Variants in ITPR1 observed in about 807,000 individuals in gnomAD.
ITPR1 encodes inositol 1,4,5-trisphosphate-gated calcium channel ITPR1.
Under a neutral mutation model 318.4 loss-of-function variants are expected in ITPR1, and 96 were observed. The observed-to-expected ratio is 0.30, with a 90% CI of 0.26 to 0.36. The LOEUF (loss-of-function observed/expected upper bound fraction) is 0.36, where lower values mean the gene tolerates loss of function less well. Among genes scored for constraint, ITPR1 ranks in the 10% least tolerant of loss-of-function variants. The pLI is 1.00. For missense variants in ITPR1, 2,440 were observed against 3,460.2 expected (o/e 0.71, Z 7.40); for synonymous variants, 1,312 against 1,289.9 (o/e 1.02, Z -0.37).
chr3:4,564,948 G>A (rs1020378675), intron 4 of ITPR1, among the ~76,000 whole-genome samples: 1 of 152,134 alleles, frequency 6.6e-6, no homozygotes, highest in Admixed American at 6.5e-5. Flanking sequence ...TAAAAGAGGT[G>A]CATATAATTT....
intron 4 of ITPR1, among the ~76,000 whole-genome samples, chr3:4,600,506 TTG>T (rs1204079172): frequency 8.2e-6 from 1 of 121,866 alleles, no homozygotes; most frequent in African/African-American, 2.7e-5. Context: ...GTGTGCGTGT[TTG>T]TGTGTGTGTC....
chr3:4,576,532 G>T (rs1309338610), intron 4 of ITPR1, among the ~76,000 whole-genome samples: 1 of 152,144 alleles, frequency 6.6e-6, no homozygotes, highest in African/African-American at 2.4e-5. Context: ...AAAAAGGATA[G>T]CATTCAGTGA....
intron 44 of ITPR1, among the ~76,000 whole-genome samples, chr3:4,739,085 A>G (rs536877268): frequency 5.9e-5 from 9 of 152,342 alleles, no homozygotes; most frequent in African/African-American, 2.2e-4. Flanking sequence ...ATGATGTGGA[A>G]CTAGGGTTGT....
intron 4 of ITPR1, among the ~76,000 whole-genome samples, chr3:4,552,003 A>G (rs1205870502): frequency 1.3e-5 from 2 of 152,228 alleles, no homozygotes. Context: ...GTCTCAGGAT[A>G]GCAGAAGTAA....
At chr3:4,697,841 C>T (rs2094584789) in intron 34 of ITPR1, among the ~76,000 whole-genome samples, 1 of 152,074 alleles carries the variant, frequency 6.6e-6, no homozygotes, top group Admixed American at 6.6e-5. Flanking sequence ...CATGTCACCC[C>T]TGTGGATTGG....
At chr3:4,691,517 A>G (rs188629569) in intron 32 of ITPR1, among the ~76,000 whole-genome samples, 173 bp downstream of exon 32, 11 of 152,224 alleles carry the variant, frequency 7.2e-5, no homozygotes, top group African/African-American at 2.7e-4. Flanking sequence ...AGTTGTAGAT[A>G]TAGGCAAGAA....
intron 4 of ITPR1, among the ~76,000 whole-genome samples, chr3:4,562,369 G>C (rs1041935766): frequency 1.3e-5 from 2 of 152,044 alleles, no homozygotes; most frequent in Non-Finnish European, 2.9e-5. Context: ...TTTATTAAAA[G>C]GTTGGCTTAT....
intron 4 of ITPR1, among the ~76,000 whole-genome samples, chr3:4,553,320 T>C (rs1386410994): frequency 1.3e-5 from 2 of 152,164 alleles, no homozygotes; most frequent in Non-Finnish European, 2.9e-5. Flanking sequence ...CCAGCTATGA[T>C]TTTTTTGACA....
At chr3:4,721,107 GAT>G (rs138660344) in intron 40 of ITPR1, among the ~76,000 whole-genome samples, 77 of 140,876 alleles carry the variant, frequency 5.5e-4, no homozygotes, top group Admixed American at 1.0e-3. Context: ...TCAGTGGAGG[GAT>G]ATATATATAT....
chr3:4,733,368 A>G (rs2043060908), intron 43 of ITPR1, 148 bp downstream of exon 43: 6 of 893,218 alleles, frequency 6.7e-6, no homozygotes, highest in Non-Finnish European at 1.0e-5. Context: ...TCTTTGGTCT[A>G]CCATCAAATT....
At chr3:4,833,407 A>G (rs901452699) in intron 60 of ITPR1, among the ~76,000 whole-genome samples, 1 of 152,162 alleles carries the variant, frequency 6.6e-6, no homozygotes, top group Non-Finnish European at 1.5e-5. Flanking sequence ...TGTGTTTTCT[A>G]TTTTTATAGA....
chr3:4,635,191 CT>C (rs1173466545), intron 5 of ITPR1, among the ~76,000 whole-genome samples: 1 of 152,172 alleles, frequency 6.6e-6, no homozygotes, highest in Non-Finnish European at 1.5e-5. Context: ...GTTGTATGGC[CT>C]TGTGCATATG....
intron 2 of ITPR1, among the ~76,000 whole-genome samples, chr3:4,498,641 T>C (rs900308331): frequency 3.3e-5 from 5 of 152,202 alleles, no homozygotes; most frequent in Admixed American, 1.3e-4. Flanking sequence ...GGGAACTCGA[T>C]AGGGGGTAAA....
intron 4 of ITPR1, among the ~76,000 whole-genome samples, chr3:4,610,974 C>CCTCCTT (rs1260958358): frequency 7.2e-5 from 6 of 83,248 alleles, no homozygotes; most frequent in Non-Finnish European, 1.2e-4. Flanking sequence ...CCCCCTTCCC[C>CCTCCTT]CTCCTTCTCC....
intron 28 of ITPR1, 87 bp downstream of exon 28, chr3:4,683,885 T>C (rs2094344284): frequency 2.5e-6 from 3 of 1,187,006 alleles, no homozygotes; most frequent in Non-Finnish European, 3.6e-6. Context: ...TAGGTATAAA[T>C]GTGATAGGAT....
At chr3:4,605,008 G>T (rs1436392557) in intron 4 of ITPR1, among the ~76,000 whole-genome samples, 2 of 151,968 alleles carry the variant, frequency 1.3e-5, no homozygotes, top group Non-Finnish European at 2.9e-5. Context: ...GTCTTGTTCT[G>T]TCGCCTAGGC....
chr3:4,696,672 T>TG (rs1237094850), intron 33 of ITPR1, among the ~76,000 whole-genome samples: 3 of 100,882 alleles, frequency 3.0e-5, no homozygotes, highest in East Asian at 3.6e-4. Context: ...CCTTGCCGTG[T>TG]GTTTTTTTTT....
intron 5 of ITPR1, among the ~76,000 whole-genome samples, chr3:4,634,826 C>T (rs1169844661): frequency 1.3e-5 from 2 of 152,302 alleles, no homozygotes; most frequent in African/African-American, 4.8e-5. Context: ...GCAACCTCCA[C>T]CTCCTGGGTT....
chr3:4,503,833 T>C (rs2081211862), intron 2 of ITPR1, among the ~76,000 whole-genome samples: 2 of 152,122 alleles, frequency 1.3e-5, no homozygotes, highest in Admixed American at 6.6e-5. Context: ...CATTTGCTGG[T>C]TTTTTGAGGT....
Sources: gnomAD v4.1 joint callset for allele counts (sites outside exome capture counted in the v4.1 genomes callset) on GRCh38, gnomAD v4.1.1 for gene constraint, MANE v1.5 for transcripts, NCBI Gene and HGNC (gene_info 2026-07-23, HGNC 2026-07-21) for gene names.